Variants in PARD3B observed in about 807,000 individuals in gnomAD.
PARD3B encodes the protein partitioning defective 3 homolog B.
PARD3B carries 103 observed loss-of-function variants against 130.2 expected under a neutral mutation model. That is an observed-to-expected ratio of 0.79 (90% CI 0.67 to 0.93). PARD3B has a LOEUF of 0.93. Among genes scored for constraint, PARD3B ranks in the 40% least tolerant of loss-of-function variants. The probability of loss-of-function intolerance (pLI) is 0.00; values close to 1 mark genes in which losing one functional copy is unlikely to be tolerated. For synonymous variants in PARD3B, 583 were observed against 553.2 expected, an observed-to-expected ratio of 1.05 and a Z score of -0.76; for missense variants, 1,609 against 1,499.2, an observed-to-expected ratio of 1.07 and a Z score of -1.21.
At chr2:205,522,071 T>G (rs1210942924) in intron 21 of PARD3B, among the ~76,000 whole-genome samples, 4 of 151,752 alleles carry the variant, frequency 2.6e-5, no homozygotes, top group Non-Finnish European at 4.4e-5. Context: ...GATTTTTAAG[T>G]TTTTAGTGTA....
At chr2:205,302,369 G>GA (rs111939901) in intron 18 of PARD3B, among the ~76,000 whole-genome samples, 2,247 of 148,382 alleles carry the variant, frequency 0.015, 22 homozygotes, top group Middle Eastern at 0.071. Flanking sequence ...CTATTTCTAA[G>GA]AAAAAAAAAA....
intron 4 of PARD3B, among the ~76,000 whole-genome samples, chr2:205,095,650 C>G (rs1038961722): frequency 6.6e-6 from 1 of 152,106 alleles, no homozygotes; most frequent in African/African-American, 2.4e-5. Context: ...ACAGAATTCC[C>G]TCTCTACCCA....
In PARD3B at chr2:205,176,607, A is replaced by G; in HGVS notation, c.1924+30A>G. On this transcript the variant is annotated intron_variant, in intron 13 of 22. Transcript: ENST00000406610. The surrounding 1 kb of genome is among the most constrained non-coding windows in gnomAD (Gnocchi z 5.3). ...GAGTCTATTCATTTTATCCACTGCAAATGGAGTGAGAAAACACAAAAGTGT... is the reference window on the plus strand; with the variant it reads ...GAGTCTATTCATTTTATCCACTGCAGATGGAGTGAGAAAACACAAAAGTGT... The G allele has an allele frequency of 6.5e-7, 1 of 1,548,114 alleles. No individual in the cohort carries two copies.
chr2:205,254,088 T>TAAAAAAAAAAAAAAA (rs11287171), intron 16 of PARD3B, among the ~76,000 whole-genome samples: 3 of 75,972 alleles, frequency 3.9e-5, no homozygotes, highest in East Asian at 3.9e-4. Context: ...GTAGAGAAAT[T>TAAAAAAAAAAAAAAA]AAAAAAAAAA....
chr2:205,378,416 A>G (rs935396571), intron 18 of PARD3B, among the ~76,000 whole-genome samples: 15 of 152,158 alleles, frequency 9.9e-5, no homozygotes, highest in African/African-American at 3.4e-4. Flanking sequence ...TGGAAGGGAA[A>G]AAAGAAGAAA....
intron 20 of PARD3B, among the ~76,000 whole-genome samples, chr2:205,497,489 A>G (rs1274476440): frequency 6.8e-6 from 1 of 146,922 alleles, no homozygotes; most frequent in African/African-American, 2.5e-5. Flanking sequence ...TTAAAAATAG[A>G]TGACCTCTTT....
Position 205,524,652 on chromosome 2 carries a change from T to A in PARD3B, c.3180+24621T>A, listed in dbSNP as rs183335361. Among the ~76,000 whole-genome samples the A allele has an allele frequency of 1.6e-3, 239 of 152,340 alleles. 1 individual carries two copies. The highest frequency in any genetic ancestry group is 2.9e-3 in the Non-Finnish European group (199 of 68,030). The stretch of plus-strand genomic sequence containing the variant: ...AGATTTTTTCCGCTGTTACAGCTAC[T>A]TGGAGAATCCAAGACTTTCCAGGTG... On this transcript the variant is annotated intron_variant, in intron 21 of 22. Coordinates refer to ENST00000406610, the MANE Select transcript of PARD3B (RefSeq NM_001302769.2).
intron 1 of PARD3B, among the ~76,000 whole-genome samples, chr2:204,620,872 T>C (rs2034275269): frequency 6.6e-6 from 1 of 152,126 alleles, no homozygotes; most frequent in African/African-American, 2.4e-5. Context: ...TTGAAGAAGT[T>C]GCGTCCGTTA....
intron 2 of PARD3B, among the ~76,000 whole-genome samples, chr2:204,818,413 A>G (rs1575061232): frequency 1.3e-5 from 2 of 152,142 alleles, no homozygotes; most frequent in South Asian, 4.1e-4. Context: ...CTTCTTTCTA[A>G]AATAGGGGTT....
intron 2 of PARD3B, among the ~76,000 whole-genome samples, chr2:204,813,010 A>C (rs938772775): frequency 2.6e-5 from 4 of 152,198 alleles, no homozygotes; most frequent in African/African-American, 9.7e-5. Flanking sequence ...TACATAATTA[A>C]GGCTGCCATA....
chr2:205,051,648 A>G (rs1699198605), intron 4 of PARD3B, among the ~76,000 whole-genome samples: 2 of 152,200 alleles, frequency 1.3e-5, no homozygotes, highest in South Asian at 4.1e-4. Flanking sequence ...GTGTTTTTCA[A>G]AAGTTGCAAA....
intron 11 of PARD3B, among the ~76,000 whole-genome samples, chr2:205,164,007 C>G (rs2034659531): frequency 6.6e-6 from 1 of 152,138 alleles, no homozygotes; most frequent in African/African-American, 2.4e-5. Flanking sequence ...TGAAACTCCT[C>G]AAATGTAAGA....
At chr2:204,710,241 T>G (rs1337201811) in intron 2 of PARD3B, among the ~76,000 whole-genome samples, 1 of 152,158 alleles carries the variant, frequency 6.6e-6, no homozygotes, top group Admixed American at 6.5e-5. Flanking sequence ...CTCTTGCAGG[T>G]CAAGCCTTAG....
At chr2:204,753,601 T>C (rs1369690452) in intron 2 of PARD3B, among the ~76,000 whole-genome samples, 1 of 152,172 alleles carries the variant, frequency 6.6e-6, no homozygotes, top group African/African-American at 2.4e-5. Flanking sequence ...TCAGTAGCTA[T>C]GTGATTTTGA....
At chr2:204,989,408 T>C (rs1693448937) in intron 3 of PARD3B, among the ~76,000 whole-genome samples, 1 of 152,162 alleles carries the variant, frequency 6.6e-6, no homozygotes, top group Admixed American at 6.6e-5. Flanking sequence ...GACATTTTAC[T>C]AGAGGCCAGC....
rs773436984 is a variant in PARD3B at position 205,245,744 on chromosome 2, T to C, written c.2141-34T>C. 2.6e-6 allele frequency: 4 copies of C among 1,533,842 alleles called. No homozygotes were observed. The South Asian group carries it at 3.5e-5, about 13-fold the overall frequency. ...AAAAATTGTCTGATTTACAAGCCGG[T>C]CTGATCCTTGTCTCTTTTATTTCTT... On this transcript the variant is annotated intron_variant, in intron 15 of 22. Coordinates refer to ENST00000406610, the MANE Select transcript of PARD3B (RefSeq NM_001302769.2).
At position 205,341,902 on chromosome 2, in the gene PARD3B, A is replaced by G. The variant is rs541358058; in HGVS notation, c.2630+40201A>G. On this transcript the variant is annotated intron_variant, in intron 18 of 22. Coordinates refer to ENST00000406610, the MANE Select transcript of PARD3B (RefSeq NM_001302769.2). This position sits in a 1 kb window ranked among gnomAD's most constrained non-coding sequence, Gnocchi z 4.3. Reference sequence around the variant, plus strand: ...AAAAGGAAAAATAGGTAAATAATATATAAAAGATACAGTAAAAATACAATA... The same window carrying G: ...AAAAGGAAAAATAGGTAAATAATATGTAAAAGATACAGTAAAAATACAATA... Among the ~76,000 whole-genome samples, 128 of 152,316 alleles carry G rather than the reference A, an allele frequency of 8.4e-4. No homozygotes were observed. Among genetic ancestry groups the G allele is most frequent in the Non-Finnish European group, 1.6e-3 (110 of 67,992 alleles).
chr2:205,561,480 C>T (rs2053134616), intron 22 of PARD3B, among the ~76,000 whole-genome samples: 1 of 152,184 alleles, frequency 6.6e-6, no homozygotes, highest in Non-Finnish European at 1.5e-5. Context: ...AGTCTCCATG[C>T]TGCCCAACTT....
chr2:204,728,962 A>G (rs2039366975), intron 2 of PARD3B, among the ~76,000 whole-genome samples: 1 of 152,170 alleles, frequency 6.6e-6, no homozygotes, highest in South Asian at 2.1e-4. Flanking sequence ...ACTCTTAAAG[A>G]GAAAGAAAGA....
Sources: allele counts gnomAD v4.1 joint callset (sites outside exome capture counted in the v4.1 genomes callset), GRCh38; gene constraint gnomAD v4.1.1; non-coding constraint Gnocchi (gnomAD v3.1); transcripts MANE v1.5; gene names NCBI Gene and HGNC (gene_info 2026-07-23, HGNC 2026-07-21).